MEGF10: variants seen among roughly 807,000 people sequenced by gnomAD.
MEGF10 encodes multiple EGF like domains 10.
MEGF10 carries 86 observed loss-of-function variants against 147.5 expected under a neutral mutation model. The ratio of observed to expected loss-of-function variants is 0.58; its 90% CI spans 0.49 to 0.70. The LOEUF (loss-of-function observed/expected upper bound fraction) is 0.70. Among genes scored for constraint, MEGF10 ranks in the 30% least tolerant of loss-of-function variants. The pLI, the probability that MEGF10 is intolerant of heterozygous loss-of-function variation, is 0.00. For synonymous variants in MEGF10, 478 were observed against 525.5 expected, an observed-to-expected ratio of 0.91 and a Z score of 1.24; for missense variants, 1,329 against 1,487.3, an observed-to-expected ratio of 0.89 and a Z score of 1.75.
chr5:127,438,213 C>A (rs1765628281), intron 16 of MEGF10, among the ~76,000 whole-genome samples: 1 of 152,204 alleles, frequency 6.6e-6, no homozygotes, highest in South Asian at 2.1e-4. Context: ...CCAGCCACCT[C>A]ACTCTGCAGT....
chr5:127,446,799 C>A (rs1359998567), intron 20 of MEGF10, among the ~76,000 whole-genome samples: 10 of 152,128 alleles, frequency 6.6e-5, no homozygotes, highest in Admixed American at 6.5e-4. Flanking sequence ...ACAGCGGAAC[C>A]CTGATCCTTT....
At chr5:127,394,278 A>C (rs1274626395) in intron 5 of MEGF10, among the ~76,000 whole-genome samples, 1 of 152,218 alleles carries the variant, frequency 6.6e-6, no homozygotes, top group East Asian at 1.9e-4. Context: ...AAATTGAATA[A>C]ACTTTTTGAA....
the MEGF10 span, among the ~76,000 whole-genome samples, chr5:127,266,387 T>C: frequency 6.6e-6 from 1 of 152,202 alleles, no homozygotes; most frequent in Non-Finnish European, 1.5e-5. Context: ...TGGCTTAGGA[T>C]TGTCTTGGAA....
the MEGF10 span, among the ~76,000 whole-genome samples, chr5:127,284,932 A>C: frequency 6.6e-6 from 1 of 152,300 alleles, no homozygotes; most frequent in Non-Finnish European, 1.5e-5. Context: ...TCTTTATTCA[A>C]AATATTAGCA....
intron 23 of MEGF10, among the ~76,000 whole-genome samples, chr5:127,455,174 G>A (rs1354909415): frequency 4.6e-5 from 7 of 152,152 alleles, no homozygotes; most frequent in African/African-American, 7.2e-5. Flanking sequence ...AATGAAATCA[G>A]TTAATGATAT....
chr5:127,241,675 T>G, the MEGF10 span, among the ~76,000 whole-genome samples: 1 of 152,174 alleles, frequency 6.6e-6, no homozygotes, highest in African/African-American at 2.4e-5. Flanking sequence ...GTTTTAGCCA[T>G]TAAAAATTAC....
intron 17 of MEGF10, among the ~76,000 whole-genome samples, chr5:127,439,642 T>G (rs1765685231): frequency 6.6e-6 from 1 of 152,246 alleles, no homozygotes. Context: ...AATTAGAACG[T>G]GCTTCAAAGA....
chr5:127,404,038 T>C (rs1764232024), intron 8 of MEGF10, among the ~76,000 whole-genome samples: 1 of 152,202 alleles, frequency 6.6e-6, no homozygotes, highest in South Asian at 2.1e-4. Context: ...ATAGTGGTTG[T>C]ACTAATTTAC....
At chr5:127,247,404 GAAGAAGA>G in the MEGF10 span, among the ~76,000 whole-genome samples, 6 of 60,418 alleles carry the variant, frequency 9.9e-5, no homozygotes, top group Admixed American at 1.7e-4. Flanking sequence ...AGAAGAAGAA[GAAGAAGA>G]AGAAGAAGAA....
At position 127,447,665 on chromosome 5, in the gene MEGF10, A is replaced by C; in HGVS notation, c.2837A>C (p.Asp946Ala). 6.2e-7 allele frequency: 1 copy of C among 1,614,142 alleles called. No homozygotes were observed. The highest frequency in any genetic ancestry group is 8.5e-7 in the Non-Finnish European group (1 of 1,179,994). Residue 946 changes from aspartate (D) to alanine (A), a missense_variant, in exon 21 of 25, where the codon GAC (aspartate) becomes GCC (alanine). Physicochemically the swap from Asp to Ala is moderately radical, Grantham distance 126. Around this residue, in one of 3 missense-constraint regions of MEGF10, gnomAD observed 343 missense variants for 377.9 expected, o/e 0.91. Transcript: ENST00000503335. ...ACATCCCCTCACGTCAACAACAGGG[A>C]CAGGATGACTGTCACGAAGGTGAGA... is the stretch of plus-strand genomic sequence containing the variant. ...CATSPHVNNR[D>A]RMTVTKSKNN...
intron 4 of MEGF10, among the ~76,000 whole-genome samples, chr5:127,342,051 C>T (rs1761701414): frequency 1.3e-5 from 2 of 152,194 alleles, no homozygotes; most frequent in Non-Finnish European, 2.9e-5. Context: ...TGCTTATACC[C>T]TGAGCCAATC....
the MEGF10 span, among the ~76,000 whole-genome samples, chr5:127,269,323 G>A: frequency 6.6e-6 from 1 of 152,196 alleles, no homozygotes; most frequent in Non-Finnish European, 1.5e-5. Context: ...CCAATGCAAA[G>A]AAGTTAAAAA....
At chr5:127,308,178 A>G (rs1760102645) in intron 1 of MEGF10, among the ~76,000 whole-genome samples, 1 of 152,204 alleles carries the variant, frequency 6.6e-6, no homozygotes, top group South Asian at 2.1e-4. Context: ...TGTAATCTTA[A>G]CTTCATTAGC....
chr5:127,366,871 T>C (rs1012295236), intron 4 of MEGF10, among the ~76,000 whole-genome samples: 5 of 152,222 alleles, frequency 3.3e-5, no homozygotes, highest in Non-Finnish European at 7.3e-5. Context: ...TTACTTATTA[T>C]CTTTTTTGGA....
intron 5 of MEGF10, among the ~76,000 whole-genome samples, chr5:127,380,685 CTT>C (rs1265523941): frequency 6.6e-6 from 1 of 151,922 alleles, no homozygotes; most frequent in East Asian, 1.9e-4. Flanking sequence ...GTCCAGCTAA[CTT>C]TTTATATTTT....
intron 5 of MEGF10, among the ~76,000 whole-genome samples, chr5:127,381,064 AG>A (rs1362552761): frequency 6.6e-6 from 1 of 152,218 alleles, no homozygotes; most frequent in African/African-American, 2.4e-5. Flanking sequence ...TTTGAAAATC[AG>A]CCCTTGTTTG....
At chr5:127,287,133 G>A (rs1176577101), upstream of MEGF10, among the ~76,000 whole-genome samples, 1 of 151,864 alleles carries the variant, frequency 6.6e-6, no homozygotes, top group Admixed American at 6.5e-5. Context: ...TAAATAGAAG[G>A]AATTTCTCAA....
chr5:127,403,636 G>T (rs1339137145), intron 8 of MEGF10, among the ~76,000 whole-genome samples: 1 of 151,930 alleles, frequency 6.6e-6, no homozygotes, highest in Non-Finnish European at 1.5e-5. Flanking sequence ...TACTCTCTGT[G>T]TCCATGAGTT....
chr5:127,387,328 CT>C (rs1763470088), intron 5 of MEGF10, among the ~76,000 whole-genome samples: 1 of 152,116 alleles, frequency 6.6e-6, no homozygotes, highest in South Asian at 2.1e-4. Flanking sequence ...TGTTCAAAGA[CT>C]TTTTCTAATG....
Sources: gnomAD v4.1 joint callset for allele counts (sites outside exome capture counted in the v4.1 genomes callset) on GRCh38, gnomAD v4.1.1 for gene constraint, gnomAD v4.1.1 regional missense constraint, MANE v1.5 for transcripts, NCBI Gene and HGNC (gene_info 2026-07-23, HGNC 2026-07-21) for gene names.